HNRNPR: variants seen among roughly 807,000 people sequenced by gnomAD.
HNRNPR encodes the protein heterogeneous nuclear ribonucleoprotein R.
A neutral mutation model predicts 70.3 loss-of-function variants in HNRNPR; 4 were observed. The observed-to-expected ratio is 0.06, with a 90% confidence interval of 0.03 to 0.13. The LOEUF (loss-of-function observed/expected upper bound fraction) is 0.13, where lower values mean the gene tolerates loss of function less well. HNRNPR is among the 10% of genes least tolerant of loss of function. The pLI, the probability that HNRNPR is intolerant of heterozygous loss-of-function variation, is 1.00. For synonymous variants in HNRNPR, 241 were observed against 267.6 expected (o/e 0.90, Z 0.97); for missense variants, 423 against 788.5 (o/e 0.54, Z 5.55).
rs1286533295 is a variant in HNRNPR, at chr1:23,344,282, G to GGC, written c.-83_-82dup. 3 of 150,678 alleles carry GGC rather than the reference G, an allele frequency of 2.0e-5. No individual in the cohort carries two copies. The highest frequency in any genetic ancestry group is 4.5e-5 in the Non-Finnish European group (3 of 67,304). 9.3% of individuals were successfully genotyped at this position (150,678 alleles called of 1,614,324 possible). A position where few individuals can be genotyped will look rare whatever the true frequency, so the allele number is the denominator to read the frequency against. On this transcript the variant is annotated 5_prime_UTR_variant, in exon 1 of 11. Transcript: ENST00000302271. ...AGGCGCTTTGAAAACGACTAGAAAT[G>GGC]GCGCGCGCGCCACCCCCTCCCCCCC...
At position 23,306,789 on chromosome 1, in the gene HNRNPR, G is replaced by A. The variant is rs1342422750; in HGVS notation, c.*3665C>T. The stretch of plus-strand genomic sequence containing the variant: ...TTTTTAAAGCTTGGTGTTTGCGTTT[G>A]AAAATTAAGACCTAATCAACAAACT... On this transcript the variant is annotated 3_prime_UTR_variant, in exon 11 of 11. Coordinates refer to ENST00000302271, the MANE Select transcript of HNRNPR (RefSeq NM_005826.5). 1 of 152,124 alleles carries A rather than the reference G, an allele frequency of 6.6e-6. No individual in the cohort carries two copies. Among genetic ancestry groups the A allele is most frequent in the African/African-American group, 2.4e-5 (1 of 41,436 alleles). The allele number at this position is 152,124 out of a possible 1,614,324, so 9.4% of individuals were successfully genotyped here.
intron 7 of HNRNPR, among the ~76,000 whole-genome samples, chr1:23,320,392 T>C (rs1048129887): frequency 6.6e-6 from 1 of 152,112 alleles, no homozygotes; most frequent in Admixed American, 6.5e-5. Flanking sequence ...CTGGATATGG[T>C]GGAGCTGAAG....
At chr1:23,324,495 G>C (rs2148395162) in intron 5 of HNRNPR, among the ~76,000 whole-genome samples, 1 of 152,290 alleles carries the variant, frequency 6.6e-6, no homozygotes, top group East Asian at 1.9e-4. Flanking sequence ...GTGAGCCCGG[G>C]AGGTGGAGCT....
rs1483194470 is a variant in HNRNPR, at chr1:23,306,659, A to G, written c.*3795T>C. ...AACCTCTAAATAAAAAAGTATATATATGTACTTTTATTTAAAGAAAAAAAA... is the reference window on the plus strand; with the variant it reads ...AACCTCTAAATAAAAAAGTATATATGTGTACTTTTATTTAAAGAAAAAAAA... On this transcript the variant is annotated 3_prime_UTR_variant, in exon 11 of 11. Transcript: ENST00000302271. 2.0e-5 allele frequency: 3 copies of G among 152,120 alleles called. No individual in the cohort carries two copies. Among genetic ancestry groups the G allele is most frequent in the African/African-American group, 7.2e-5 (3 of 41,462 alleles). The allele number at this position is 152,120 out of a possible 1,614,324, so 9.4% of individuals were successfully genotyped here.
At position 23,321,601 on chromosome 1, in the gene HNRNPR, G is replaced by T; in HGVS notation, c.738C>A (p.Asn246Lys). The T allele has an allele frequency of 6.2e-7, 1 of 1,613,728 alleles. No homozygotes were observed. Among genetic ancestry groups the T allele is most frequent in the South Asian group, 1.1e-5 (1 of 91,046 alleles). The change falls in exon 7 of 11, where the codon AAC (asparagine) becomes AAA (lysine). Residue 246 changes from asparagine to lysine, a missense_variant. By Grantham distance (94) the Asn-to-Lys change is moderately conservative (BLOSUM62 0). This residue lies in a region of HNRNPR where 118 missense variants were observed against 239.3 expected (regional missense o/e 0.49). Coordinates refer to ENST00000302271, the MANE Select transcript of HNRNPR (RefSeq NM_005826.5). ...TCGGAATGGATCCAACAAAAAGTCT[G>T]TTGTTTGCCACAGAAATGCACACTC... ...HLGVCISVAN[N>K]RLFVGSIPKN...
At chr1:23,313,740 C>T (rs1443743470) in intron 8 of HNRNPR, 38 bp from the exon 9 acceptor site, 3 of 1,582,222 alleles carry the variant, frequency 1.9e-6, no homozygotes, top group Non-Finnish European at 2.6e-6. Context: ...TCATTGGCTA[C>T]TTAATTTTAC....
In HNRNPR at chr1:23,309,175, A is replaced by T. The variant is rs1211311812; in HGVS notation, c.*1279T>A. 4 of 152,272 alleles carry T rather than the reference A, an allele frequency of 2.6e-5. No individual in the cohort carries two copies. The highest frequency in any genetic ancestry group is 7.2e-5 in the African/African-American group (3 of 41,574). The allele number at this position is 152,272 out of a possible 1,614,324, so 9.4% of individuals were successfully genotyped here. A position where few individuals can be genotyped will look rare whatever the true frequency, so the allele number is the denominator to read the frequency against. On this transcript the variant is annotated 3_prime_UTR_variant, in exon 11 of 11. Transcript: ENST00000302271. ...ATAAACGAAGTGTTAACAGAAAGTC[A>T]AAGGTATTACTACTGGATATTTTTA...
At chr1:23,331,981 A>G (rs1381410248) in intron 5 of HNRNPR, among the ~76,000 whole-genome samples, 1 of 152,034 alleles carries the variant, frequency 6.6e-6, no homozygotes, top group Non-Finnish European at 1.5e-5. Flanking sequence ...CAAATAGAAA[A>G]ATTAGCCAGG....
chr1:23,343,804 C>T (rs1028452410), intron 1 of HNRNPR, among the ~76,000 whole-genome samples: 4 of 152,266 alleles, frequency 2.6e-5, no homozygotes, highest in Admixed American at 6.5e-5. Context: ...ATCATCAGCA[C>T]ATCCCTCTCG....
intron 5 of HNRNPR, 78 bp from the exon 6 acceptor site, chr1:23,323,810 TA>T: frequency 1.9e-5 from 21 of 1,105,484 alleles, no homozygotes; most frequent in Non-Finnish European, 2.8e-5. Flanking sequence ...CTTTTTTTTT[TA>T]AAGATGGGGG....
chr1:23,313,962 A>C (rs1394745192), intron 8 of HNRNPR, among the ~76,000 whole-genome samples: 1 of 152,130 alleles, frequency 6.6e-6, no homozygotes, highest in Non-Finnish European at 1.5e-5. Context: ...CCAACACATA[A>C]TTATTATTAC....
At chr1:23,329,293 T>A (rs1248420125) in intron 5 of HNRNPR, among the ~76,000 whole-genome samples, 3 of 152,218 alleles carry the variant, frequency 2.0e-5, no homozygotes, top group Non-Finnish European at 4.4e-5. Flanking sequence ...CTAAAAAGAA[T>A]TTAAAAGGCT....
At chr1:23,314,933 G>A (rs1354314340) in intron 8 of HNRNPR, among the ~76,000 whole-genome samples, 6 of 152,082 alleles carry the variant, frequency 3.9e-5, no homozygotes, top group Non-Finnish European at 5.9e-5. Context: ...ATATCCAGCT[G>A]GTTAAATACA....
At chr1:23,322,596 TTAAAAA>T (rs2148382129) in intron 6 of HNRNPR, among the ~76,000 whole-genome samples, 2 of 152,290 alleles carry the variant, frequency 1.3e-5, no homozygotes, top group South Asian at 4.1e-4. Context: ...GATATGATTA[TTAAAAA>T]TAAAATCATC....
chr1:23,337,097 ACTTTTTATCAAGTTATAAC>A (rs1646525154), intron 4 of HNRNPR, among the ~76,000 whole-genome samples: 1 of 152,236 alleles, frequency 6.6e-6, no homozygotes, highest in Non-Finnish European at 1.5e-5. Flanking sequence ...AGTTATAACA[ACTTTTTATCAAGTTATAAC>A]CTTTTTATCA....
intron 2 of HNRNPR, 137 bp downstream of exon 2, chr1:23,340,715 A>C: frequency 4.3e-6 from 3 of 700,050 alleles, no homozygotes; most frequent in Non-Finnish European, 6.9e-6. Flanking sequence ...ATATGCCTTC[A>C]ATGAAGGGAA....
intron 8 of HNRNPR, among the ~76,000 whole-genome samples, chr1:23,315,294 A>ACC (rs1645492952): frequency 6.6e-6 from 1 of 150,880 alleles, no homozygotes; most frequent in East Asian, 1.9e-4. Flanking sequence ...AAAAAAAAAA[A>ACC]AAAAAAAAAA....
chr1:23,334,152 G>C (rs1646360239), intron 4 of HNRNPR, among the ~76,000 whole-genome samples: 1 of 151,716 alleles, frequency 6.6e-6, no homozygotes, highest in Non-Finnish European at 1.5e-5. Flanking sequence ...GGCCTCATGA[G>C]ATCCGCCTGT....
chr1:23,334,923 GTTTT>G (rs922757473), intron 4 of HNRNPR, among the ~76,000 whole-genome samples: 1 of 145,346 alleles, frequency 6.9e-6, no homozygotes, highest in Admixed American at 6.8e-5. Context: ...AGTTTTTTTG[GTTTT>G]TTTTTTTTGA....
Sources: gnomAD v4.1 joint callset for allele counts (sites outside exome capture counted in the v4.1 genomes callset) on GRCh38, gnomAD v4.1.1 for gene constraint, gnomAD v4.1.1 regional missense constraint, MANE v1.5 for transcripts, NCBI Gene and HGNC (gene_info 2026-07-23, HGNC 2026-07-21) for gene names.